HOMER3: variants seen among roughly 807,000 people sequenced by gnomAD.
HOMER3 encodes the protein homer scaffold protein 3, also known as homer protein homolog 3.
A neutral mutation model predicts 45.5 loss-of-function variants in HOMER3; 34 were observed. The ratio of observed to expected loss-of-function variants is 0.75; its 90% CI spans 0.57 to 1.00. HOMER3 has a LOEUF of 1.00. Ranked by LOEUF, HOMER3 falls within the 50% of genes least tolerant of loss-of-function variation. HOMER3 has a pLI of 0.00. For synonymous variants in HOMER3, 223 were observed against 208.8 expected (o/e 1.07, Z -0.58); for missense variants, 480 against 497.5 (o/e 0.96, Z 0.33).
intron 9 of HOMER3, among the ~76,000 whole-genome samples, chr19:18,930,972 C>T (rs187299291): frequency 3.1e-4 from 47 of 152,134 alleles, no homozygotes; most frequent in Admixed American, 2.4e-3. Flanking sequence ...CGTGCCATTG[C>T]ACTCCAGCCT....
chr19:18,935,170 C>T (rs1490704661), intron 4 of HOMER3, among the ~76,000 whole-genome samples: 13 of 136,530 alleles, frequency 9.5e-5, no homozygotes, highest in African/African-American at 1.6e-4. Context: ...GACAGAATCT[C>T]GCTTTGTCAC....
At chr19:18,930,302 C>T (rs2057017211) in intron 9 of HOMER3, among the ~76,000 whole-genome samples, 1 of 146,808 alleles carries the variant, frequency 6.8e-6, no homozygotes, top group Non-Finnish European at 1.5e-5. Flanking sequence ...AATCCCAGCA[C>T]TTTGGGAGGC....
At chr19:18,931,811 T>C (rs2057036238) in intron 7 of HOMER3, among the ~76,000 whole-genome samples, 165 bp downstream of exon 7, 1 of 152,158 alleles carries the variant, frequency 6.6e-6, no homozygotes, top group South Asian at 2.1e-4. Context: ...GAGGCTGGCA[T>C]TGTCTCAAAC....
chr19:18,938,658 G>A, intron 3 of HOMER3, 70 bp downstream of exon 3: 2 of 1,535,530 alleles, frequency 1.3e-6, no homozygotes, highest in Non-Finnish European at 1.8e-6. Flanking sequence ...CACACAGCAA[G>A]CCAGCCACCA....
chr19:18,932,808 T>C, intron 6 of HOMER3, 116 bp downstream of exon 6: 1 of 788,544 alleles, frequency 1.3e-6, no homozygotes, highest in East Asian at 3.4e-5. Flanking sequence ...CTTCCCCAGG[T>C]CTTGAGTCCA....
Position 18,931,368 on chromosome 19 carries a change from G to A in HOMER3, c.851C>T (p.Ala284Val), listed in dbSNP as rs2057029719. Residue 284 changes from alanine to valine, a missense_variant, in exon 9 of 10, where the codon GCC becomes GTC. Coordinates refer to ENST00000392351, the MANE Select transcript of HOMER3 (RefSeq NM_004838.4). ...LKSQTGGPRE[A>V]LEAAEREETQ... is the part of the protein sequence containing the mutation. ...CTCCTCACGCTCGGCAGCCTCCAGG[G>A]CCTCGCGGGGCCCCCCAGTCTGACT... The A allele has an allele frequency of 1.2e-6, 2 of 1,614,148 alleles. No homozygotes were observed. The highest frequency in any genetic ancestry group is 1.1e-5 in the South Asian group (1 of 91,082).
At chr19:18,937,000 C>CAA (rs758983070) in intron 4 of HOMER3, among the ~76,000 whole-genome samples, 30 of 93,438 alleles carry the variant, frequency 3.2e-4, no homozygotes, top group African/African-American at 1.0e-3. Flanking sequence ...GACTCCGTCT[C>CAA]AAAAAAAAAA....
Position 18,938,477 on chromosome 19 carries a change from A to AT in HOMER3, c.178dup (p.Ile60AsnfsTer37). 6.2e-7 allele frequency: 1 copy of AT among 1,613,368 alleles called. No individual in the cohort carries two copies. The highest frequency in any genetic ancestry group is 8.5e-7 in the Non-Finnish European group (1 of 1,179,330). On this transcript the variant is annotated frameshift_variant, in exon 4 of 10. Transcript: ENST00000392351. LOFTEE classifies it high-confidence loss of function. ...CATGTTGGGAGTGACAGTGCTGTTG[A>AT]TGATGGCCTAGGGTCGGGGAACAAA...
At position 18,931,755 on chromosome 19, in the gene HOMER3, C is replaced by T; in HGVS notation, c.691-130G>A. On this transcript the variant is annotated intron_variant, in intron 7 of 9. Transcript: ENST00000392351. ...CACCCATCTCCCTTGGTTGGTGCCACCACCCCCCTCTGCACAGCTTGGACT... is the reference window on the plus strand; with the variant it reads ...CACCCATCTCCCTTGGTTGGTGCCATCACCCCCCTCTGCACAGCTTGGACT... 1.5e-5 allele frequency: 22 copies of T among 1,485,094 alleles called. No homozygotes were observed. In the South Asian group the frequency reaches 2.2e-4, roughly 15 times the overall value. 92.0% of individuals were successfully genotyped at this position (1,485,094 alleles called of 1,614,324 possible).
intron 6 of HOMER3, 95 bp downstream of exon 6, chr19:18,932,829 C>T: frequency 4.0e-6 from 4 of 1,012,216 alleles, no homozygotes; most frequent in Non-Finnish European, 5.4e-6. Context: ...CAGTTAGATC[C>T]CGCCGTCCTG....
chr19:18,932,088 T>G lies in HOMER3; in HGVS notation c.578A>C (p.Gln193Pro). 1 of 1,570,360 alleles carries G rather than the reference T, an allele frequency of 6.4e-7. No homozygotes were observed. Among genetic ancestry groups the G allele is most frequent in the Non-Finnish European group, 8.6e-7 (1 of 1,159,974 alleles). Residue 193 changes from glutamine (Q) to proline (P), a missense_variant, in exon 7 of 10, where the codon CAG becomes CCG. Coordinates refer to ENST00000392351, the MANE Select transcript of HOMER3 (RefSeq NM_004838.4). Reference protein sequence around the residue: ...VQWEAEFFALQDSNNKLAGAL... With the variant: ...VQWEAEFFALPDSNNKLAGAL... ...GCCTGCCAGCTTGTTGTTGCTGTCC[T>G]GCAGTGCGAAAAACTCGGCCTCCCA... is the stretch of plus-strand genomic sequence containing the variant.
chr19:18,931,657 C>A, intron 7 of HOMER3, 32 bp from the exon 8 acceptor site: 1 of 1,561,124 alleles, frequency 6.4e-7, no homozygotes, highest in South Asian at 1.2e-5. Context: ...CCCTGACGCC[C>A]CCGCCTGCAC....
In HOMER3 at chr19:18,931,545, C is replaced by T. The variant is rs1568336077; in HGVS notation, c.771G>A (p.Leu257=). The T allele has an allele frequency of 6.2e-7, 1 of 1,613,686 alleles. No individual in the cohort carries two copies. The highest frequency in any genetic ancestry group is 8.5e-7 in the Non-Finnish European group (1 of 1,179,946). The part of the protein sequence containing the change: ...EKEGLGQGQS[L]EQLEALVQTK... ...TTTGCACCAGAGCTTCCAGCTGTTC[C>T]AGCGACTGGCCCTGGCCCAGCCCCT... The change falls in exon 8 of 10, where the codon CTG becomes CTA. Residue 257 remains leucine (L), a synonymous_variant. Transcript: ENST00000392351.
Position 18,938,413 on chromosome 19 carries a change from G to C in HOMER3, c.243C>G (p.Ala81=). 1 of 1,614,060 alleles carries C rather than the reference G, an allele frequency of 6.2e-7. No homozygotes were observed. The highest frequency in any genetic ancestry group is 8.5e-7 in the Non-Finnish European group (1 of 1,179,954). ...TKTSQKFGQW[A]DSRANTVYGL... ...CGTAGACTGTGTTGGCGCGACTGTCGGCCCACTGCCCGAACTTCTGGGAAG... is the reference window on the plus strand; with the variant it reads ...CGTAGACTGTGTTGGCGCGACTGTCCGCCCACTGCCCGAACTTCTGGGAAG... Residue 81 remains alanine (A), a synonymous_variant, in exon 4 of 10, where the codon GCC becomes GCG. Transcript: ENST00000392351.
chr19:18,935,909 C>CT (rs1397649203), intron 4 of HOMER3, among the ~76,000 whole-genome samples: 1 of 150,500 alleles, frequency 6.6e-6, no homozygotes, highest in Non-Finnish European at 1.5e-5. Flanking sequence ...AATCCTAGTA[C>CT]TTGGGAGGCT....
At chr19:18,931,093 T>C (rs2057026452) in intron 9 of HOMER3, 2 of 506,804 alleles carry the variant, frequency 3.9e-6, no homozygotes, top group Non-Finnish European at 7.0e-6. Context: ...ACAGGAGGAA[T>C]TGACGGGGTC....
intron 6 of HOMER3, 45 bp downstream of exon 6, chr19:18,932,879 A>AAACCCCC: frequency 8.8e-6 from 2 of 226,452 alleles, no homozygotes; most frequent in Non-Finnish European, 1.7e-5. Flanking sequence ...CTCGTCCCCC[A>AAACCCCC]CCCCTACCCC....
Position 18,929,351 on chromosome 19 carries a change from A to C in HOMER3, c.*92T>G, listed in dbSNP as rs767696001. The C allele has an allele frequency of 1.4e-4, 165 of 1,152,560 alleles. No homozygotes were observed. Among genetic ancestry groups the C allele is most frequent in the East Asian group, 6.8e-4 (21 of 30,716 alleles). The allele number at this position is 1,152,560 out of a possible 1,614,324, so 71.4% of individuals were successfully genotyped here. A position where few individuals can be genotyped will look rare whatever the true frequency, so the allele number is the denominator to read the frequency against. ...ACCCAGGGCTAAGTTGGGACCCCCC[A>C]GTCCCTTTCCAGGACGAATGGGCCC... On this transcript the variant is annotated 3_prime_UTR_variant, in exon 10 of 10. Transcript: ENST00000392351.
In HOMER3 at chr19:18,931,413, T is replaced by C; in HGVS notation, c.808-2A>G. 6.2e-7 allele frequency: 1 copy of C among 1,614,062 alleles called. No individual in the cohort carries two copies. The highest frequency in any genetic ancestry group is 8.5e-7 in the Non-Finnish European group (1 of 1,179,906). On this transcript the variant is annotated splice_acceptor_variant, in intron 8 of 9. Coordinates refer to ENST00000392351, the MANE Select transcript of HOMER3 (RefSeq NM_004838.4). LOFTEE classifies it high-confidence loss of function. Reference sequence around the variant, plus strand: ...CTGACTCTTCAGGGTCTGAATCTCCTAGAGGAGAAGAGTTCCCAGGGTCTG... The same window carrying C: ...CTGACTCTTCAGGGTCTGAATCTCCCAGAGGAGAAGAGTTCCCAGGGTCTG...
Sources: allele counts gnomAD v4.1 joint callset (sites outside exome capture counted in the v4.1 genomes callset), GRCh38; gene constraint gnomAD v4.1.1; transcripts MANE v1.5; gene names NCBI Gene and HGNC (gene_info 2026-07-23, HGNC 2026-07-21).